Variants in FRMD7 observed in about 807,000 individuals in gnomAD.
FRMD7 encodes FERM domain-containing protein 7.
A neutral mutation model predicts 44.1 loss-of-function variants in FRMD7; 14 were observed. The observed-to-expected ratio is 0.32, with a 90% CI of 0.21 to 0.50. FRMD7 has a LOEUF of 0.50. Ranked by LOEUF, FRMD7 falls within the 20% of genes least tolerant of loss-of-function variation. The pLI is 0.99. For synonymous variants in FRMD7, 212 were observed against 187.4 expected (o/e 1.13, Z -1.07); for missense variants, 501 against 522.3 (o/e 0.96, Z 0.40).
At chrX:132,127,466 A>G (rs1234318275) in intron 1 of FRMD7, among the ~76,000 whole-genome samples, 1 of 112,228 alleles carries the variant, frequency 8.9e-6, no homozygotes, top group African/African-American at 3.2e-5. Context: ...ACCCACAGAC[A>G]TAATTTCAAT....
chrX:132,098,470 A>C (rs1407896898), intron 3 of FRMD7, among the ~76,000 whole-genome samples: 1 of 112,194 alleles, frequency 8.9e-6, no homozygotes, highest in Non-Finnish European at 1.9e-5. Context: ...TGATGTGATC[A>C]GGTTGGTGTT....
intron 1 of FRMD7, among the ~76,000 whole-genome samples, chrX:132,119,093 C>T (rs1928975166): frequency 8.9e-6 from 1 of 112,133 alleles, no homozygotes; most frequent in Admixed American, 9.4e-5. Context: ...TCTGATTCTT[C>T]CCCTAGCCCA....
intron 1 of FRMD7, among the ~76,000 whole-genome samples, chrX:132,113,594 A>G (rs1195969879): frequency 3.6e-5 from 4 of 111,690 alleles, no homozygotes; most frequent in Non-Finnish European, 7.5e-5. Context: ...TGTTTTTTTC[A>G]TTCATTTCTT....
At chrX:132,111,867 C>G (rs1344632359) in intron 1 of FRMD7, among the ~76,000 whole-genome samples, 2 of 112,130 alleles carry the variant, frequency 1.8e-5, no homozygotes, top group Non-Finnish European at 3.8e-5. Flanking sequence ...CTCGACTGAG[C>G]TCTGTTTATA....
At chrX:132,107,296 A>G (rs1323651941) in intron 1 of FRMD7, among the ~76,000 whole-genome samples, 1 of 111,608 alleles carries the variant, frequency 9.0e-6, no homozygotes, top group African/African-American at 3.3e-5. Context: ...TCCAATGCTG[A>G]CTCTGGCATT....
intron 2 of FRMD7, 50 bp from the exon 3 acceptor site, chrX:132,099,560 CT>C (rs751219304): frequency 0.026 from 17,502 of 674,449 alleles, no homozygotes; most frequent in East Asian, 0.037. Flanking sequence ...TTGAGCAGAG[CT>C]TTTTTTTTTT....
chrX:132,113,082 T>A (rs1231193995), intron 1 of FRMD7, among the ~76,000 whole-genome samples: 1 of 111,353 alleles, frequency 9.0e-6, no homozygotes, highest in East Asian at 2.8e-4. Context: ...GAAATTATCA[T>A]GCCTAAATTG....
Position 132,099,396 on chromosome X carries a change from G to A in FRMD7, c.205+72C>T, listed in dbSNP as rs988501453. On this transcript the variant is annotated intron_variant, in intron 3 of 11. Coordinates refer to ENST00000298542, the MANE Select transcript of FRMD7 (RefSeq NM_194277.3). Reference sequence around the variant, plus strand: ...TCCCCTTATATTAAAATGAGAAATTGTGTGAGGTTGTTGAAACCTTTCTCA... The same window carrying A: ...TCCCCTTATATTAAAATGAGAAATTATGTGAGGTTGTTGAAACCTTTCTCA... 8.4e-6 allele frequency: 7 copies of A among 831,028 alleles called. No homozygotes were observed. The African/African-American group carries it at 1.4e-4, about 17-fold the overall frequency. The allele number at this position is 831,028 out of a possible 1,213,427, so 68.5% of individuals were successfully genotyped here. A position where few individuals can be genotyped will look rare whatever the true frequency, so the allele number is the denominator to read the frequency against.
intron 1 of FRMD7, among the ~76,000 whole-genome samples, chrX:132,107,565 T>C (rs780085925): frequency 9.5e-6 from 1 of 105,638 alleles, no homozygotes; most frequent in East Asian, 2.9e-4. Context: ...CTCTTCTTGG[T>C]TTGTAAATGG....
In FRMD7 at chrX:132,085,646, C is replaced by T. The variant is rs1429474154; in HGVS notation, c.580G>A (p.Ala194Thr). Residue 194 changes from alanine (A) to threonine (T), a missense_variant, in exon 7 of 12, where the codon GCC (alanine) becomes ACC (threonine). This residue lies in a region of FRMD7 where 453 missense variants were observed against 452.7 expected (regional missense o/e 1.00). Coordinates refer to ENST00000298542, the MANE Select transcript of FRMD7 (RefSeq NM_194277.3). ...LDMYGIRPHPASDGEGMQIHL... is the reference protein window; with the variant it reads ...LDMYGIRPHPTSDGEGMQIHL... ...ATCTGCATCCCTTCACCATCACTGGCGGGGTGAGGCCTGATGCCATACATA... is the reference window on the plus strand; with the variant it reads ...ATCTGCATCCCTTCACCATCACTGGTGGGGTGAGGCCTGATGCCATACATA... 7 of 1,208,401 alleles carry T rather than the reference C, an allele frequency of 5.8e-6. No homozygotes were observed. The highest frequency in any genetic ancestry group is 3.0e-5 in the East Asian group (1 of 33,816).
intron 1 of FRMD7, among the ~76,000 whole-genome samples, chrX:132,115,128 C>T (rs1928870330): frequency 8.9e-6 from 1 of 112,449 alleles, no homozygotes; most frequent in Admixed American, 9.4e-5. Flanking sequence ...CAGCTTTCTG[C>T]CCCTTTTCTT....
chrX:132,086,989 TA>T (rs1928013213), intron 5 of FRMD7, among the ~76,000 whole-genome samples: 1 of 112,466 alleles, frequency 8.9e-6, no homozygotes, highest in Non-Finnish European at 1.9e-5. Context: ...TCTATGATCA[TA>T]ATTTGCTCTT....
intron 1 of FRMD7, among the ~76,000 whole-genome samples, chrX:132,103,465 T>G (rs1038114748): frequency 1.9e-5 from 2 of 106,525 alleles, no homozygotes; most frequent in African/African-American, 6.8e-5. Flanking sequence ...TCCTGTCTCA[T>G]CCTGATATCT....
chrX:132,085,947 T>C lies in FRMD7; in HGVS notation c.470A>G (p.Lys157Arg). ...GTGCTTCTGATGAAAGTGCATGATC[T>C]TGCCCTCTAAACAGTCTTGGTTTGG... ...YLPNQDCLEG[K>R]IMHFHQKHIG... Residue 157 changes from lysine (K) to arginine (R), a missense_variant, in exon 6 of 12, where the codon AAG (lysine) becomes AGG (arginine). Physicochemically the swap from Lys to Arg is conservative, Grantham distance 26. Around this residue, in one of 3 missense-constraint regions of FRMD7, gnomAD observed 453 missense variants for 452.7 expected, o/e 1.00. Transcript: ENST00000298542. The C allele has an allele frequency of 1.7e-6, 2 of 1,201,261 alleles. No individual in the cohort carries two copies. The highest frequency in any genetic ancestry group is 2.3e-6 in the Non-Finnish European group (2 of 885,705).
intron 4 of FRMD7, among the ~76,000 whole-genome samples, chrX:132,096,559 A>AC (rs1437271082): frequency 9.4e-6 from 1 of 106,389 alleles, no homozygotes; most frequent in African/African-American, 3.5e-5. Context: ...CTAAAAAAAA[A>AC]AAAAAAACCT....
intron 3 of FRMD7, among the ~76,000 whole-genome samples, chrX:132,097,598 G>A (rs1346109985): frequency 9.0e-6 from 1 of 110,852 alleles, no homozygotes; most frequent in Non-Finnish European, 1.9e-5. Flanking sequence ...CTCTGCCTTC[G>A]AGTTTATTTG....
rs370911852 is a variant in FRMD7, at chrX:132,078,538, G to A, written c.1479C>T (p.Pro493=). 1.9e-5 allele frequency: 23 copies of A among 1,209,620 alleles called. No individual in the cohort carries two copies. The African/African-American group carries it at 3.5e-4, about 18-fold the overall frequency. The change falls in exon 12 of 12, where the codon CCC becomes CCT. Residue 493 remains proline, a synonymous_variant. Coordinates refer to ENST00000298542, the MANE Select transcript of FRMD7 (RefSeq NM_194277.3). ...GCTTGTCCACATAAAAAAAGACCTG[G>A]GGAGGCATAATACCAACCTGCTGAC... ...CTGQQVGIMP[P]QVFFYVDKPP...
intron 1 of FRMD7, among the ~76,000 whole-genome samples, chrX:132,114,786 G>A (rs957159432): frequency 2.7e-5 from 3 of 112,025 alleles, no homozygotes; most frequent in African/African-American, 9.7e-5. Context: ...CATACAAGAG[G>A]CCCCTGCCTC....
chrX:132,098,519 G>A (rs1928407512), intron 3 of FRMD7, among the ~76,000 whole-genome samples: 1 of 112,018 alleles, frequency 8.9e-6, no homozygotes, highest in Non-Finnish European at 1.9e-5. Context: ...GATGATGGAT[G>A]AGGGGAATCA....
Sources: gnomAD v4.1 joint callset for allele counts (sites outside exome capture counted in the v4.1 genomes callset) on GRCh38, gnomAD v4.1.1 for gene constraint, gnomAD v4.1.1 regional missense constraint, MANE v1.5 for transcripts, NCBI Gene and HGNC (gene_info 2026-07-23, HGNC 2026-07-21) for gene names.